Variants in MARCHF8 observed in about 807,000 individuals in gnomAD.
MARCHF8 encodes the protein E3 ubiquitin-protein ligase MARCHF8.
MARCHF8 carries 40 observed loss-of-function variants against 51.6 expected under a neutral mutation model. The observed-to-expected ratio is 0.77, with a 90% confidence interval of 0.60 to 1.01. MARCHF8 has a LOEUF of 1.01. Ranked by LOEUF, MARCHF8 falls within the 50% of genes least tolerant of loss-of-function variation. The probability of loss-of-function intolerance (pLI) is 0.00; values close to 1 mark genes in which losing one functional copy is unlikely to be tolerated. For missense variants in MARCHF8, 685 were observed against 708.6 expected (o/e 0.97, Z 0.38); for synonymous variants, 263 against 280.3 (o/e 0.94, Z 0.62).
chr10:45,458,133 T>C lies in MARCHF8; in HGVS notation c.*106A>G. On this transcript the variant is annotated 3_prime_UTR_variant, in exon 8 of 8. Transcript: ENST00000453424. ...AGAGAAGCCACTATAAATAGTCACCTGTCCAGTCTATGCTATTAAAGGACA... is the reference window on the plus strand; with the variant it reads ...AGAGAAGCCACTATAAATAGTCACCCGTCCAGTCTATGCTATTAAAGGACA... 1.7e-6 allele frequency: 2 copies of C among 1,166,408 alleles called. No individual in the cohort carries two copies. The highest frequency in any genetic ancestry group is 2.4e-5 in the East Asian group (1 of 41,518). The allele number at this position is 1,166,408 out of a possible 1,614,324, so 72.3% of individuals were successfully genotyped here.
chr10:45,516,296 G>A (rs1037494102), intron 2 of MARCHF8, among the ~76,000 whole-genome samples: 10 of 152,170 alleles, frequency 6.6e-5, no homozygotes, highest in African/African-American at 2.4e-4. Context: ...CTAAAACAGT[G>A]ATCTCCAGTA....
At chr10:45,580,795 C>T (rs1345581819) in intron 1 of MARCHF8, among the ~76,000 whole-genome samples, 1 of 152,160 alleles carries the variant, frequency 6.6e-6, no homozygotes, top group Non-Finnish European at 1.5e-5. Flanking sequence ...GCGCTAGGAC[C>T]ACCGGTGGTA....
intron 2 of MARCHF8, among the ~76,000 whole-genome samples, chr10:45,499,338 C>T (rs781524757): frequency 2.0e-5 from 3 of 152,114 alleles, no homozygotes; most frequent in African/African-American, 7.2e-5. Context: ...TAGATATTAT[C>T]CCTTTATCAG....
intron 3 of MARCHF8, among the ~76,000 whole-genome samples, chr10:45,465,677 A>G (rs1842943054): frequency 6.6e-6 from 1 of 152,256 alleles, no homozygotes; most frequent in African/African-American, 2.4e-5. Context: ...GAGATTCAAC[A>G]GCACTTTAAT....
chr10:45,593,252 C>A (rs917978015), intron 1 of MARCHF8, among the ~76,000 whole-genome samples: 2 of 151,062 alleles, frequency 1.3e-5, no homozygotes, highest in Non-Finnish European at 2.9e-5. Context: ...CATTAAACTT[C>A]AAGTTTCAGT....
At chr10:45,538,413 G>T (rs1246180339), upstream of MARCHF8, among the ~76,000 whole-genome samples, 1 of 152,094 alleles carries the variant, frequency 6.6e-6, no homozygotes, top group Non-Finnish European at 1.5e-5. Flanking sequence ...ATCAACTAAC[G>T]TGCAAAATAA....
intron 1 of MARCHF8, among the ~76,000 whole-genome samples, chr10:45,564,785 C>T (rs559675831): frequency 6.6e-6 from 1 of 151,624 alleles, no homozygotes; most frequent in African/African-American, 2.4e-5. Context: ...TGACGGCCAG[C>T]TGATTTTTTT....
chr10:45,528,104 A>T (rs2043821310), intron 2 of MARCHF8, among the ~76,000 whole-genome samples: 1 of 152,200 alleles, frequency 6.6e-6, no homozygotes, highest in Admixed American at 6.5e-5. Flanking sequence ...ATACCTCAAA[A>T]TAATAAAACC....
chr10:45,523,447 C>T (rs1041291386), intron 2 of MARCHF8, among the ~76,000 whole-genome samples: 6 of 152,272 alleles, frequency 3.9e-5, no homozygotes, highest in African/African-American at 1.4e-4. Context: ...TCACTTGAGC[C>T]CAGCAGTTCA....
chr10:45,539,145 G>C (rs1195615523), upstream of MARCHF8, among the ~76,000 whole-genome samples: 1 of 152,184 alleles, frequency 6.6e-6, no homozygotes, highest in Non-Finnish European at 1.5e-5. Context: ...AATCAAACTA[G>C]AACTCAGGAT....
At chr10:45,570,968 C>T (rs2044421916) in intron 1 of MARCHF8, among the ~76,000 whole-genome samples, 1 of 152,130 alleles carries the variant, frequency 6.6e-6, no homozygotes, top group African/African-American at 2.4e-5. Flanking sequence ...GTTTGTAATT[C>T]GAAAATTTCA....
rs554983114 is a variant in MARCHF8 at position 45,488,265 on chromosome 10, C to T, written c.153+1102G>A. Among the ~76,000 whole-genome samples the T allele has an allele frequency of 5.3e-5, 8 of 152,188 alleles. No individual in the cohort carries two copies. The East Asian group carries it at 7.7e-4, about 15-fold the overall frequency. ...CAGGGAGATGTAAGCAGATTTCAGG[C>T]GGCCAGGTGGGACTTGTGGGACAAC... On this transcript the variant is annotated intron_variant, in intron 3 of 7. Transcript: ENST00000453424.
chr10:45,577,950 A>G (rs1243254313), intron 1 of MARCHF8, among the ~76,000 whole-genome samples: 1 of 152,190 alleles, frequency 6.6e-6, no homozygotes, highest in African/African-American at 2.4e-5. Context: ...TGAGCCCAGG[A>G]GTTCGAGGTT....
At chr10:45,495,773 T>G (rs71494796) in intron 2 of MARCHF8, among the ~76,000 whole-genome samples, 6,251 of 57,318 alleles carry the variant, frequency 0.11, 227 homozygotes, top group Middle Eastern at 0.18. Flanking sequence ...GAGGGGATGC[T>G]AGGGGAGGGG....
chr10:45,514,320 G>A (rs886826065), intron 2 of MARCHF8, among the ~76,000 whole-genome samples: 1 of 152,228 alleles, frequency 6.6e-6, no homozygotes, highest in African/African-American at 2.4e-5. Context: ...AGCTGACAGG[G>A]CACGTCTCCT....
intron 2 of MARCHF8, among the ~76,000 whole-genome samples, chr10:45,517,752 A>G (rs191577764): frequency 2.0e-5 from 3 of 152,318 alleles, no homozygotes; most frequent in Admixed American, 2.0e-4. Flanking sequence ...ACTTCACACA[A>G]AAAGACTCTG....
At chr10:45,472,464 C>T (rs748385464) in intron 3 of MARCHF8, among the ~76,000 whole-genome samples, 32 of 152,208 alleles carry the variant, frequency 2.1e-4, no homozygotes, top group Non-Finnish European at 3.7e-4. Flanking sequence ...TCCTTAAACT[C>T]TTAAAAATTA....
chr10:45,560,984 A>G (rs1023305793), intron 1 of MARCHF8, among the ~76,000 whole-genome samples: 3 of 152,332 alleles, frequency 2.0e-5, no homozygotes, highest in African/African-American at 7.2e-5. Flanking sequence ...AGAAAGGAGT[A>G]CAAAAAAGGT....
chr10:45,592,442 T>G (rs572426432), intron 1 of MARCHF8, among the ~76,000 whole-genome samples: 1 of 152,170 alleles, frequency 6.6e-6, no homozygotes, highest in South Asian at 2.1e-4. Context: ...AGGGAACAGG[T>G]AGGGTTGTAA....
Sources: allele counts gnomAD v4.1 joint callset (sites outside exome capture counted in the v4.1 genomes callset), GRCh38; gene constraint gnomAD v4.1.1; transcripts MANE v1.5; gene names NCBI Gene and HGNC (gene_info 2026-07-23, HGNC 2026-07-21).